Variants in ELP3 observed in about 807,000 individuals in gnomAD.
ELP3 encodes the protein elongator acetyltransferase complex subunit 3.
In ELP3, 56 loss-of-function variants were observed where a neutral mutation model predicts 74.9. The ratio of observed to expected loss-of-function variants is 0.75; its 90% CI spans 0.60 to 0.93. The LOEUF (loss-of-function observed/expected upper bound fraction) is 0.93. ELP3 is among the 40% of genes least tolerant of loss of function. The pLI is 0.00. For synonymous variants in ELP3, 222 were observed against 239.8 expected (o/e 0.93, Z 0.68); for missense variants, 573 against 686.5 (o/e 0.83, Z 1.85).
intron 7 of ELP3, among the ~76,000 whole-genome samples, chr8:28,125,638 A>G (rs1175010260): frequency 6.6e-6 from 1 of 152,090 alleles, no homozygotes; most frequent in Non-Finnish European, 1.5e-5. Flanking sequence ...GTAATAATAG[A>G]TAGTGCTTCT....
Position 28,161,996 on chromosome 8 carries a change from G to A in ELP3, c.1486-1G>A, listed in dbSNP as rs1400361259. ...CCACTCCCCATTGTTGCTCCGTGCA[G>A]GGATTTGGCATGCTGCTGATGGAGG... is the stretch of plus-strand genomic sequence containing the variant. On this transcript the variant is annotated splice_acceptor_variant, in intron 13 of 14. Coordinates refer to ENST00000256398, the MANE Select transcript of ELP3 (RefSeq NM_018091.6). LOFTEE classifies it high-confidence loss of function. 1.2e-6 allele frequency: 2 copies of A among 1,614,118 alleles called. No individual in the cohort carries two copies. Among genetic ancestry groups the A allele is most frequent in the Admixed American group, 3.3e-5 (2 of 60,032 alleles).
At chr8:28,179,827 G>A (rs1477598556) in intron 14 of ELP3, among the ~76,000 whole-genome samples, 1 of 152,172 alleles carries the variant, frequency 6.6e-6, no homozygotes, top group Non-Finnish European at 1.5e-5. Context: ...AGGCAGTAAT[G>A]TGAGCAATGG....
chr8:28,183,071 T>G, intron 14 of ELP3: 3 of 453,122 alleles, frequency 6.6e-6, no homozygotes, highest in Non-Finnish European at 1.3e-5. Flanking sequence ...GCCTTTAATG[T>G]AACCCCTTTC....
At chr8:28,118,850 A>G (rs1286381320) in intron 7 of ELP3, 1 of 152,212 alleles carries the variant, frequency 6.6e-6, no homozygotes, top group Non-Finnish European at 1.5e-5. Flanking sequence ...GGAATTTTAA[A>G]TTCATTTCCC....
chr8:28,160,523 G>A (rs778215322), intron 13 of ELP3, 67 bp downstream of exon 13: 4 of 1,394,890 alleles, frequency 2.9e-6, no homozygotes, highest in Admixed American at 2.1e-5. Flanking sequence ...GAAAAGGAAT[G>A]GGGTGAAGAG....
At chr8:28,101,875 C>T (rs1314513585) in intron 3 of ELP3, among the ~76,000 whole-genome samples, 1 of 152,194 alleles carries the variant, frequency 6.6e-6, no homozygotes, top group Non-Finnish European at 1.5e-5. Context: ...CAGACGTGAG[C>T]CACTGTGCCT....
chr8:28,106,992 T>A (rs1480422437), intron 4 of ELP3, among the ~76,000 whole-genome samples: 1 of 152,208 alleles, frequency 6.6e-6, no homozygotes, highest in Non-Finnish European at 1.5e-5. Flanking sequence ...CTTACGCCTA[T>A]AATCCCAGCA....
At chr8:28,110,805 T>A (rs540566524) in intron 6 of ELP3, 1 of 208,450 alleles carries the variant, frequency 4.8e-6, no homozygotes, top group Non-Finnish European at 9.5e-6. Flanking sequence ...TGACTGGCCA[T>A]GCGCAATGGC....
At chr8:28,149,200 G>C (rs1400640941) in intron 10 of ELP3, among the ~76,000 whole-genome samples, 1 of 152,202 alleles carries the variant, frequency 6.6e-6, no homozygotes, top group Non-Finnish European at 1.5e-5. Flanking sequence ...TCAGACAGTA[G>C]TTTTCTTGTA....
chr8:28,095,423 C>G (rs1316842146), intron 1 of ELP3, among the ~76,000 whole-genome samples: 2 of 151,956 alleles, frequency 1.3e-5, no homozygotes, highest in African/African-American at 4.8e-5. Context: ...TTTTTTTCCT[C>G]CATGCCTTAT....
chr8:28,185,485 A>T (rs1332874928), intron 14 of ELP3, among the ~76,000 whole-genome samples: 1 of 152,230 alleles, frequency 6.6e-6, no homozygotes, highest in Non-Finnish European at 1.5e-5. Context: ...CATTGACTTT[A>T]AAGAGCTGAC....
Position 28,119,416 on chromosome 8 carries a change from G to A in ELP3, c.617+6243G>A, listed in dbSNP as rs148061715. 3.3e-5 allele frequency among the ~76,000 whole-genome samples: 5 copies of A among 151,618 alleles called. No homozygotes were observed. The East Asian group carries it at 7.8e-4, about 24-fold the overall frequency. On this transcript the variant is annotated intron_variant, in intron 7 of 14. Transcript: ENST00000256398. ...TCATCAGTGTCTCTCGCGTGTGCTT[G>A]CGCTGTCTTTTTTGATGAATTTCAT... is the stretch of plus-strand genomic sequence containing the variant.
chr8:28,117,898 T>G (rs1812201290), intron 7 of ELP3, among the ~76,000 whole-genome samples: 1 of 152,204 alleles, frequency 6.6e-6, no homozygotes, highest in South Asian at 2.1e-4. Flanking sequence ...TATTTTCAAG[T>G]GTTGGCATAA....
chr8:28,112,790 T>A (rs1811971442), intron 6 of ELP3: 1 of 336,720 alleles, frequency 3.0e-6, no homozygotes. Context: ...GTCAAGCCTC[T>A]TATTTGTTAT....
chr8:28,162,893 G>A (rs555422212), intron 14 of ELP3, among the ~76,000 whole-genome samples: 1 of 152,322 alleles, frequency 6.6e-6, no homozygotes, highest in South Asian at 2.1e-4. Context: ...TTTGCTCCAG[G>A]TGGTGTGAGG....
intron 10 of ELP3, among the ~76,000 whole-genome samples, chr8:28,153,202 A>T (rs1813706999): frequency 2.6e-5 from 4 of 152,192 alleles, no homozygotes; most frequent in Admixed American, 2.6e-4. Context: ...CCAAATTGTC[A>T]TTTGCCAGCA....
chr8:28,117,488 G>T (rs1812186194), intron 7 of ELP3, among the ~76,000 whole-genome samples: 1 of 152,160 alleles, frequency 6.6e-6, no homozygotes, highest in Admixed American at 6.5e-5. Context: ...GGCAGTGCCA[G>T]TGTTGTTTTG....
intron 14 of ELP3, among the ~76,000 whole-genome samples, chr8:28,187,281 T>C (rs1815278893): frequency 6.6e-6 from 1 of 152,188 alleles, no homozygotes; most frequent in Non-Finnish European, 1.5e-5. Context: ...GCTTCCTACC[T>C]GATCTCCCTA....
chr8:28,160,165 A>G (rs1814010987), intron 12 of ELP3, 64 bp from the exon 13 acceptor site: 5 of 1,440,390 alleles, frequency 3.5e-6, no homozygotes, highest in African/African-American at 2.9e-5. Context: ...AATACATACA[A>G]TTACAAAAAT....
Sources: allele counts gnomAD v4.1 joint callset (sites outside exome capture counted in the v4.1 genomes callset), GRCh38; gene constraint gnomAD v4.1.1; transcripts MANE v1.5; gene names NCBI Gene and HGNC (gene_info 2026-07-23, HGNC 2026-07-21).